Variants in ERCC6L2 observed in about 807,000 individuals in gnomAD.
ERCC6L2 encodes ERCC excision repair 6 like 2.
A neutral mutation model predicts 132.0 loss-of-function variants in ERCC6L2; 77 were observed. The ratio of observed to expected loss-of-function variants is 0.58; its 90% CI spans 0.49 to 0.71. ERCC6L2 has a LOEUF of 0.71. ERCC6L2 is among the 30% of genes least tolerant of loss of function. ERCC6L2 has a pLI of 0.00. For missense variants in ERCC6L2, 1,542 were observed against 1,837.6 expected (o/e 0.84, Z 2.94); for synonymous variants, 583 against 632.4 (o/e 0.92, Z 1.17).
intron 16 of ERCC6L2, among the ~76,000 whole-genome samples, chr9:95,973,856 A>G (rs1832543266): frequency 6.6e-6 from 1 of 152,142 alleles, no homozygotes; most frequent in African/African-American, 2.4e-5. Flanking sequence ...CATCCCTTTC[A>G]TTGCCTTACA....
chr9:96,001,423 A>T (rs898868432), intron 17 of ERCC6L2, among the ~76,000 whole-genome samples: 1 of 152,138 alleles, frequency 6.6e-6, no homozygotes, highest in South Asian at 2.1e-4. Flanking sequence ...TCCCCATCAG[A>T]TTAGTTAGAT....
At position 95,941,636 on chromosome 9, in the gene ERCC6L2, C is replaced by T. The variant is rs577660091; in HGVS notation, c.1847+87C>T. On this transcript the variant is annotated intron_variant, in intron 12 of 18. Coordinates refer to ENST00000653738, the MANE Select transcript of ERCC6L2 (RefSeq NM_020207.7). ...ACTTTTAAGGTTGCTTATACTATGACTATGATTAGAAGAAAGGGGGAAACT... is the reference window on the plus strand; with the variant it reads ...ACTTTTAAGGTTGCTTATACTATGATTATGATTAGAAGAAAGGGGGAAACT... 1.4e-5 allele frequency: 13 copies of T among 950,064 alleles called. No individual in the cohort carries two copies. In the East Asian group the frequency reaches 3.2e-4, roughly 24 times the overall value. The allele number at this position is 950,064 out of a possible 1,614,324, so 58.9% of individuals were successfully genotyped here.
Position 95,974,803 on chromosome 9 carries a change from TTATA to T in ERCC6L2, c.3337+1719_3337+1722del, listed in dbSNP as rs568986555. On this transcript the variant is annotated intron_variant, in intron 16 of 18. Transcript: ENST00000653738. ...TATACGTATATTTGTGATATATATT[TTATA>T]TATGTATGTACACATATGTGATGAT... Among the ~76,000 whole-genome samples, 414 of 152,216 alleles carry T rather than the reference TTATA, an allele frequency of 2.7e-3. 1 individual carries two copies. Among genetic ancestry groups the T allele is most frequent in the African/African-American group, 9.6e-3 (397 of 41,556 alleles).
At chr9:95,899,135 T>TA (rs575178486) in intron 3 of ERCC6L2, among the ~76,000 whole-genome samples, 37 of 152,082 alleles carry the variant, frequency 2.4e-4, no homozygotes, top group African/African-American at 8.9e-4. Context: ...TTAAAATACT[T>TA]AAAGATATTT....
rs545821554 is a variant in ERCC6L2 at position 95,958,932 on chromosome 9, C to T, written c.1947+2919C>T. Among the ~76,000 whole-genome samples, 596 of 151,200 alleles carry T rather than the reference C, an allele frequency of 3.9e-3. 7 individuals carry two copies. Among genetic ancestry groups the T allele is most frequent in the African/African-American group, 0.014 (566 of 41,132 alleles). ...GCTCACGGATAGGAAGAATCAATAT[C>T]GTGAAAATGGCCATACTGCCCAAGG... On this transcript the variant is annotated intron_variant, in intron 13 of 18. Transcript: ENST00000653738.
In ERCC6L2 at chr9:95,880,900, C is replaced by G; in HGVS notation, c.78C>G (p.Ala26=). The stretch of plus-strand genomic sequence containing the variant: ...GGCATCCAGGAGAAAGATGTCTTGC[C>G]CCTTCTCCAGATAATGGAAAACTTT... The part of the protein sequence containing the change: ...DIWHPGERCL[A]PSPDNGKLCE... Residue 26 remains alanine (A), a synonymous_variant, in exon 2 of 19, where the codon GCC becomes GCG. Transcript: ENST00000653738. The G allele has an allele frequency of 6.2e-7, 1 of 1,612,320 alleles. No individual in the cohort carries two copies. Among genetic ancestry groups the G allele is most frequent in the South Asian group, 1.1e-5 (1 of 90,816 alleles).
intron 9 of ERCC6L2, among the ~76,000 whole-genome samples, chr9:95,927,057 A>G (rs1368258746): frequency 6.6e-6 from 1 of 152,144 alleles, no homozygotes; most frequent in Non-Finnish European, 1.5e-5. Flanking sequence ...TAAAAAATGA[A>G]CTAAATGCAA....
intron 17 of ERCC6L2, among the ~76,000 whole-genome samples, chr9:96,001,082 G>C (rs1430283504): frequency 6.6e-6 from 1 of 151,892 alleles, no homozygotes; most frequent in East Asian, 1.9e-4. Flanking sequence ...AGCGCGTCTG[G>C]AGTTGTTCAT....
chr9:95,966,525 A>G (rs1832164290), intron 13 of ERCC6L2, 37 bp from the exon 14 acceptor site: 1 of 1,418,356 alleles, frequency 7.1e-7, no homozygotes, highest in East Asian at 2.5e-5. Flanking sequence ...TGTTGGAGCA[A>G]ACACTTCAAA....
intron 2 of ERCC6L2, among the ~76,000 whole-genome samples, chr9:95,883,807 G>A (rs1362418154): frequency 6.6e-6 from 1 of 152,172 alleles, no homozygotes; most frequent in African/African-American, 2.4e-5. Context: ...GCAGTAAGTC[G>A]AGATTGTGCC....
intron 19 of ERCC6L2, among the ~76,000 whole-genome samples, chr9:96,029,888 CG>C (rs1261011524): frequency 6.6e-6 from 1 of 152,206 alleles, no homozygotes; most frequent in Non-Finnish European, 1.5e-5. Flanking sequence ...AGAGAGCAAA[CG>C]ACTCGCTGTT....
chr9:95,972,657 C>G lies in ERCC6L2; in HGVS notation c.2906C>G (p.Ser969Cys). The G allele has an allele frequency of 7.7e-7, 1 of 1,296,494 alleles. No individual in the cohort carries two copies. The highest frequency in any genetic ancestry group is 1.0e-6 in the Non-Finnish European group (1 of 988,840). 80.3% of individuals were successfully genotyped at this position (1,296,494 alleles called of 1,614,324 possible). A position where few individuals can be genotyped will look rare whatever the true frequency, so the allele number is the denominator to read the frequency against. The change falls in exon 16 of 19, where the codon TCT (serine) becomes TGT (cysteine). Residue 969 changes from serine (S) to cysteine (C), a missense_variant. This residue lies in a region of ERCC6L2 where 945 missense variants were observed against 1,105.2 expected (regional missense o/e 0.86). Transcript: ENST00000653738. ...KLSPENTTLK[S>C]ILKRKGTSDI... The stretch of plus-strand genomic sequence containing the variant: ...AGTCCTGAGAACACAACCCTGAAAT[C>G]TATTTTGAAAAGAAAAGGCACCAGT...
At chr9:95,958,849 T>G (rs181234614) in intron 13 of ERCC6L2, among the ~76,000 whole-genome samples, 2,703 of 152,110 alleles carry the variant, frequency 0.018, 87 homozygotes, top group African/African-American at 0.061. Context: ...CAAGGAGAAC[T>G]GCAAACCACT....
At chr9:96,021,599 G>C, downstream of ERCC6L2, 1 of 157,332 alleles carries the variant, frequency 6.4e-6, no homozygotes, top group Non-Finnish European at 1.4e-5. The surrounding 1 kb of genome is among the most constrained non-coding windows in gnomAD (Gnocchi z 4.7). Flanking sequence ...GCGCGAAGAC[G>C]AGGCCAGTGG....
chr9:96,010,745 T>C (rs556446817), intron 18 of ERCC6L2, among the ~76,000 whole-genome samples: 1 of 152,366 alleles, frequency 6.6e-6, no homozygotes, highest in Admixed American at 6.5e-5. Context: ...ATTTACATTA[T>C]GGGTTTATCA....
At chr9:95,906,465 C>T (rs956452736) in intron 3 of ERCC6L2, 2 of 339,462 alleles carry the variant, frequency 5.9e-6, no homozygotes, top group Non-Finnish European at 1.2e-5. Context: ...AGAACATGAG[C>T]AGCGTACCCA....
At chr9:95,932,899 AC>A (rs1347102980) in intron 11 of ERCC6L2, among the ~76,000 whole-genome samples, 1 of 152,094 alleles carries the variant, frequency 6.6e-6, no homozygotes, top group Non-Finnish European at 1.5e-5. Context: ...TTAACAAGTA[AC>A]CCTTTGCTGT....
chr9:96,007,492 G>A (rs921531959), intron 18 of ERCC6L2, among the ~76,000 whole-genome samples: 2 of 152,208 alleles, frequency 1.3e-5, no homozygotes, highest in Admixed American at 6.5e-5. Context: ...AGATTGAGGA[G>A]AGAACAGTTT....
At chr9:96,009,390 C>G (rs757907857) in intron 18 of ERCC6L2, among the ~76,000 whole-genome samples, 13 of 152,218 alleles carry the variant, frequency 8.5e-5, no homozygotes, top group Non-Finnish European at 1.8e-4. Flanking sequence ...GACTGCACCT[C>G]CCTCTACTGC....
Sources: gnomAD v4.1 joint callset for allele counts (sites outside exome capture counted in the v4.1 genomes callset) on GRCh38, gnomAD v4.1.1 for gene constraint, gnomAD v4.1.1 regional missense constraint, Gnocchi (gnomAD v3.1) non-coding constraint, MANE v1.5 for transcripts, NCBI Gene and HGNC (gene_info 2026-07-23, HGNC 2026-07-21) for gene names.